The following TNS3 variants were observed in gnomAD, a reference collection of about 807,000 sequenced individuals.
TNS3 encodes tensin-3.
TNS3 carries 45 observed loss-of-function variants against 140.9 expected under a neutral mutation model. That is an observed-to-expected ratio of 0.32 (90% CI 0.25 to 0.41). TNS3 has a LOEUF of 0.41. Ranked by LOEUF, TNS3 falls within the 10% of genes least tolerant of loss-of-function variation. TNS3 has a pLI of 1.00. For synonymous variants in TNS3, 815 were observed against 788.4 expected, an observed-to-expected ratio of 1.03 and a Z score of -0.56; for missense variants, 1,716 against 1,906.7, an observed-to-expected ratio of 0.90 and a Z score of 1.86.
rs200131254 is a variant in TNS3, at chr7:47,389,133, A to C, written c.1024+7667T>G. Among the ~76,000 whole-genome samples, 132 of 54,118 alleles carry C rather than the reference A, an allele frequency of 2.4e-3. 31 individuals carry two copies. In the East Asian group the frequency reaches 0.047, roughly 19 times the overall value. The allele number at this position is 54,118 out of a possible 152,430, so 35.5% of individuals were successfully genotyped here. On this transcript the variant is annotated intron_variant, in intron 16 of 30. Transcript: ENST00000311160. ...GCAGAAGAAGAAGAAGAAGAAGAAG[A>C]AGAAGAAGAAGAAGAAGAAGAAGCA...
chr7:47,285,364 C>G (rs1785359929), intron 27 of TNS3, among the ~76,000 whole-genome samples: 1 of 152,144 alleles, frequency 6.6e-6, no homozygotes. Context: ...GTGGGAGCAA[C>G]CTGGTGGGAG....
At chr7:47,580,005 T>TAA (rs35983071) in intron 1 of TNS3, 196 of 158,656 alleles carry the variant, frequency 1.2e-3, no homozygotes, top group Non-Finnish European at 1.9e-3. Context: ...GACACTTTGT[T>TAA]AAAAAAAAAA....
At chr7:47,368,165 C>T (rs551821625) in intron 17 of TNS3, among the ~76,000 whole-genome samples, 200 bp downstream of exon 17, 151 of 152,350 alleles carry the variant, frequency 9.9e-4, no homozygotes, top group African/African-American at 3.5e-3. Context: ...TCCCATCCTC[C>T]AAATCTCCTA....
rs542278419 is a variant in TNS3 at position 47,469,920 on chromosome 7, G to A, written c.-76+11183C>T. Among the ~76,000 whole-genome samples, 6 of 130,580 alleles carry A rather than the reference G, an allele frequency of 4.6e-5. No individual in the cohort carries two copies. In the South Asian group the frequency reaches 1.5e-3, roughly 32 times the overall value. The allele number at this position is 130,580 out of a possible 152,430, so 85.7% of individuals were successfully genotyped here. A position where few individuals can be genotyped will look rare whatever the true frequency, so the allele number is the denominator to read the frequency against. On this transcript the variant is annotated intron_variant, in intron 4 of 30. Coordinates refer to ENST00000311160, the MANE Select transcript of TNS3 (RefSeq NM_022748.12). The stretch of plus-strand genomic sequence containing the variant: ...GCCCAGGAGGCAGAGGTTGCAGTGA[G>A]CCAAGATTGTTCCACTGCACTCCAG...
intron 16 of TNS3, 113 bp from the exon 17 acceptor site, chr7:47,369,734 CT>C: frequency 8.2e-7 from 1 of 1,226,154 alleles, no homozygotes; most frequent in Non-Finnish European, 1.1e-6. Context: ...CAAAATATGA[CT>C]TACAATAAAC....
chr7:47,425,415 T>C (rs1006034425), intron 9 of TNS3, among the ~76,000 whole-genome samples: 5 of 152,138 alleles, frequency 3.3e-5, no homozygotes, highest in Non-Finnish European at 5.9e-5. Flanking sequence ...ACATAAGCAC[T>C]GCGGACTTCA....
chr7:47,582,525 C>T (rs1487536990), upstream of TNS3: 1 of 456,156 alleles, frequency 2.2e-6, no homozygotes, highest in Non-Finnish European at 4.4e-6. Flanking sequence ...GACCTACCCT[C>T]CCTCCTGTAG....
At chr7:47,530,838 A>AATATATATATATATATATATAT (rs1554350245) in intron 1 of TNS3, among the ~76,000 whole-genome samples, 28 of 54,510 alleles carry the variant, frequency 5.1e-4, no homozygotes, top group African/African-American at 1.7e-3. Context: ...AAAAAAAAAA[A>AATATATATATATATATATATAT]ATATATATAT....
chr7:47,435,550 G>A lies in TNS3; in HGVS notation c.202-146C>T, dbSNP rs543327661. 250 of 1,159,026 alleles carry A rather than the reference G, an allele frequency of 2.2e-4. 1 individual carries two copies. In the African/African-American group the frequency reaches 3.4e-3, roughly 16 times the overall value. 71.8% of individuals were successfully genotyped at this position (1,159,026 alleles called of 1,614,324 possible). A position where few individuals can be genotyped will look rare whatever the true frequency, so the allele number is the denominator to read the frequency against. On this transcript the variant is annotated intron_variant, in intron 7 of 30. Transcript: ENST00000311160. ...CCCTTTCCTAAAACTCAGTGAGCATGAGGATCAACTTCCTTCACTGGGAAG... is the reference window on the plus strand; with the variant it reads ...CCCTTTCCTAAAACTCAGTGAGCATAAGGATCAACTTCCTTCACTGGGAAG...
intron 4 of TNS3, among the ~76,000 whole-genome samples, chr7:47,448,915 A>C (rs2151621164): frequency 6.6e-6 from 1 of 152,324 alleles, no homozygotes; most frequent in South Asian, 2.1e-4. Context: ...TGCCAGCTGC[A>C]GAATCTTGGG....
In TNS3 at chr7:47,343,310, T is replaced by C. The variant is rs1789126158; in HGVS notation, c.2650+1445A>G. 5.9e-5 allele frequency among the ~76,000 whole-genome samples: 9 copies of C among 152,144 alleles called. No individual in the cohort carries two copies. In the South Asian group the frequency reaches 1.9e-3, roughly 31 times the overall value. On this transcript the variant is annotated intron_variant, in intron 20 of 30. Coordinates refer to ENST00000311160, the MANE Select transcript of TNS3 (RefSeq NM_022748.12). ...TGCAGCCTCCTAGACCCTTCTGGAGTTTAGACGGGGCTCCACATTCTCTTA... is the reference window on the plus strand; with the variant it reads ...TGCAGCCTCCTAGACCCTTCTGGAGCTTAGACGGGGCTCCACATTCTCTTA...
At chr7:47,450,239 A>G (rs1343203490) in intron 4 of TNS3, among the ~76,000 whole-genome samples, 2 of 152,206 alleles carry the variant, frequency 1.3e-5, no homozygotes, top group Non-Finnish European at 2.9e-5. Flanking sequence ...AAATGTACCC[A>G]TTGACTTTAA....
In TNS3 at chr7:47,304,931, G is replaced by A. The variant is rs781756384; in HGVS notation, c.2723C>T (p.Thr908Met). ...MSESPIGPKS[T>M]MLRADASSTP... ...CGAGGACGCATCAGCCCGGAGCATC[G>A]TGGATTTGGGTCCGATGGGGCTCTC... Residue 908 changes from threonine (T) to methionine (M), a missense_variant, in exon 21 of 31, where the codon ACG becomes ATG. Coordinates refer to ENST00000311160, the MANE Select transcript of TNS3 (RefSeq NM_022748.12). The A allele has an allele frequency of 7.0e-6, 10 of 1,433,442 alleles. No homozygotes were observed. Among genetic ancestry groups the A allele is most frequent in the East Asian group, 5.4e-5 (2 of 37,148 alleles). The allele number at this position is 1,433,442 out of a possible 1,614,324, so 88.8% of individuals were successfully genotyped here.
At chr7:47,558,741 C>T (rs1800260596) in intron 1 of TNS3, among the ~76,000 whole-genome samples, 2 of 152,266 alleles carry the variant, frequency 1.3e-5, no homozygotes, top group Middle Eastern at 3.4e-3. Flanking sequence ...CTCTGCCTCC[C>T]CAGGGTCCCA....
At chr7:47,457,937 A>G (rs1293774489) in intron 4 of TNS3, among the ~76,000 whole-genome samples, 1 of 152,210 alleles carries the variant, frequency 6.6e-6, no homozygotes, top group Non-Finnish European at 1.5e-5. Context: ...TGCTCCTAGC[A>G]GCTCACAAGC....
intron 3 of TNS3, among the ~76,000 whole-genome samples, chr7:47,502,245 G>A (rs996907697): frequency 2.9e-4 from 44 of 152,180 alleles, no homozygotes; most frequent in African/African-American, 1.1e-3. Flanking sequence ...GTCAATCCCT[G>A]GGACCCAGCA....
intron 20 of TNS3, among the ~76,000 whole-genome samples, chr7:47,342,134 T>C (rs1204917095): frequency 6.6e-6 from 1 of 152,178 alleles, no homozygotes; most frequent in Admixed American, 6.5e-5. Flanking sequence ...ATAGATATTA[T>C]AAATAAGGCC....
At chr7:47,437,520 T>C (rs1315825956) in intron 6 of TNS3, among the ~76,000 whole-genome samples, 1 of 151,782 alleles carries the variant, frequency 6.6e-6, no homozygotes, top group African/African-American at 2.4e-5. Context: ...CATTTTTACA[T>C]GATGTTTCCC....
intron 20 of TNS3, among the ~76,000 whole-genome samples, chr7:47,342,639 C>G (rs558741877): frequency 6.6e-6 from 1 of 152,152 alleles, no homozygotes; most frequent in Non-Finnish European, 1.5e-5. Context: ...GCTGTGGAGT[C>G]GGCTGATGGA....
Sources: allele counts gnomAD v4.1 joint callset (sites outside exome capture counted in the v4.1 genomes callset), GRCh38; gene constraint gnomAD v4.1.1; transcripts MANE v1.5; gene names NCBI Gene and HGNC (gene_info 2026-07-23, HGNC 2026-07-21).